SLC7A14: variants seen among roughly 807,000 people sequenced by gnomAD.
SLC7A14 encodes the protein solute carrier family 7 member 14, also known as gamma-aminobutyric acid transporter SLC7A14.
SLC7A14 carries 37 observed loss-of-function variants against 60.2 expected under a neutral mutation model. That is an observed-to-expected ratio of 0.61 (90% CI 0.47 to 0.81). The LOEUF (loss-of-function observed/expected upper bound fraction) is 0.81, where lower values mean the gene tolerates loss of function less well. Among genes scored for constraint, SLC7A14 ranks in the 30% least tolerant of loss-of-function variants. The pLI is 0.00. For synonymous variants in SLC7A14, 399 were observed against 395.8 expected (o/e 1.01, Z -0.10); for missense variants, 886 against 982.7 (o/e 0.90, Z 1.32).
chr3:170,522,007 T>C (rs1328168376), intron 2 of SLC7A14, among the ~76,000 whole-genome samples: 2 of 152,048 alleles, frequency 1.3e-5, no homozygotes, highest in African/African-American at 4.8e-5. Flanking sequence ...AATAAACTCA[T>C]AGAAAGATGT....
intron 1 of SLC7A14, among the ~76,000 whole-genome samples, chr3:170,582,535 G>T (rs1036620704): frequency 1.3e-5 from 2 of 152,156 alleles, no homozygotes; most frequent in Non-Finnish European, 2.9e-5. Flanking sequence ...GGTTCACAGG[G>T]CCCAGAGCAC....
At chr3:170,498,327 GTA>G (rs1188410746) in intron 4 of SLC7A14, among the ~76,000 whole-genome samples, 1 of 152,160 alleles carries the variant, frequency 6.6e-6, no homozygotes, top group Non-Finnish European at 1.5e-5. Flanking sequence ...AGAGCAGAAT[GTA>G]AATATCTTCC....
At chr3:170,561,480 A>G (rs773705494) in intron 1 of SLC7A14, among the ~76,000 whole-genome samples, 5 of 152,238 alleles carry the variant, frequency 3.3e-5, no homozygotes, top group African/African-American at 1.2e-4. Flanking sequence ...GTTGTGGACA[A>G]ATTGTGTGTC....
chr3:170,576,424 A>G (rs1715092631), intron 1 of SLC7A14, among the ~76,000 whole-genome samples: 1 of 152,230 alleles, frequency 6.6e-6, no homozygotes, highest in South Asian at 2.1e-4. Flanking sequence ...TTATAGGCAT[A>G]TTAACCTGCT....
Position 170,467,108 on chromosome 3 carries a change from G to A in SLC7A14, c.2263C>T (p.Gln755Ter). ...SKAKSKSKHK[Q>*]NSEALIANDE... Reference sequence around the variant, plus strand: ...TTTGCAATCAGGGCCTCTGAGTTCTGTTTGTGTTTGCTTTTGCTCTTCGCT... The same window carrying A: ...TTTGCAATCAGGGCCTCTGAGTTCTATTTGTGTTTGCTTTTGCTCTTCGCT... Residue 755 changes from glutamine (Q) to a stop codon, truncating the protein, a stop_gained, in exon 8 of 8, where the codon CAG (glutamine) becomes TAG (stop). Transcript: ENST00000231706. LOFTEE classifies it high-confidence loss of function. The A allele has an allele frequency of 6.2e-7, 1 of 1,614,132 alleles. No homozygotes were observed. Among genetic ancestry groups the A allele is most frequent in the East Asian group, 2.2e-5 (1 of 44,878 alleles).
chr3:170,508,576 C>G (rs904594413), intron 2 of SLC7A14, among the ~76,000 whole-genome samples: 3 of 152,224 alleles, frequency 2.0e-5, no homozygotes, highest in Non-Finnish European at 2.9e-5. Flanking sequence ...CTCCCAGACA[C>G]AGGATGGAAT....
At chr3:170,493,670 G>A (rs1369360031) in intron 4 of SLC7A14, among the ~76,000 whole-genome samples, 4 of 152,180 alleles carry the variant, frequency 2.6e-5, no homozygotes, top group Non-Finnish European at 5.9e-5. Flanking sequence ...TGTATGACAT[G>A]CTCATGAGGC....
intron 1 of SLC7A14, among the ~76,000 whole-genome samples, chr3:170,556,157 A>G (rs1216316135): frequency 2.0e-5 from 3 of 152,200 alleles, no homozygotes; most frequent in Admixed American, 6.5e-5. Context: ...GTTGAATTAT[A>G]TCATCTTTTT....
intron 1 of SLC7A14, among the ~76,000 whole-genome samples, chr3:170,545,698 C>A (rs1263832269): frequency 6.6e-6 from 1 of 152,206 alleles, no homozygotes; most frequent in African/African-American, 2.4e-5. Context: ...GTTATAGCCA[C>A]CTCAATCTTT....
chr3:170,578,324 T>C (rs7631702), intron 1 of SLC7A14, among the ~76,000 whole-genome samples: 45 of 152,312 alleles, frequency 3.0e-4, no homozygotes, highest in African/African-American at 1.1e-3. Flanking sequence ...AGAAAGACAA[T>C]GTAGATTCCC....
At chr3:170,472,683 C>A (rs935900942) in intron 7 of SLC7A14, among the ~76,000 whole-genome samples, 1 of 150,952 alleles carries the variant, frequency 6.6e-6, no homozygotes, top group Non-Finnish European at 1.5e-5. Context: ...AGGAGAATGG[C>A]GTGAACCTGG....
intron 1 of SLC7A14, among the ~76,000 whole-genome samples, chr3:170,554,766 T>A (rs1045496167): frequency 6.6e-6 from 1 of 152,234 alleles, no homozygotes; most frequent in Admixed American, 6.5e-5. Flanking sequence ...GAAGTTTATA[T>A]CCTTAGGTTA....
chr3:170,545,598 T>C (rs1714154708), intron 1 of SLC7A14, among the ~76,000 whole-genome samples: 1 of 152,148 alleles, frequency 6.6e-6, no homozygotes, highest in African/African-American at 2.4e-5. Context: ...CTTCCTATTA[T>C]TTTTCCCTCC....
At chr3:170,489,655 A>G (rs1712152264) in intron 4 of SLC7A14, among the ~76,000 whole-genome samples, 1 of 152,260 alleles carries the variant, frequency 6.6e-6, no homozygotes, top group Non-Finnish European at 1.5e-5. Flanking sequence ...TTGTTGCAAC[A>G]CTGTTTACAA....
chr3:170,574,667 T>C (rs533657244), intron 1 of SLC7A14, among the ~76,000 whole-genome samples: 2 of 152,332 alleles, frequency 1.3e-5, no homozygotes, highest in African/African-American at 2.4e-5. Context: ...GCATGAAGGA[T>C]AACAAGTTGT....
At position 170,466,936 on chromosome 3, in the gene SLC7A14, T is replaced by C. The variant is rs1452536426; in HGVS notation, c.*119A>G. ...GCAAATGACAGGCTATGACTAGGGA[T>C]TGAATTTGGGGAAGGCTGGATTTGT... On this transcript the variant is annotated 3_prime_UTR_variant, in exon 8 of 8. Transcript: ENST00000231706. 2 of 847,964 alleles carry C rather than the reference T, an allele frequency of 2.4e-6. No individual in the cohort carries two copies. Among genetic ancestry groups the C allele is most frequent in the Non-Finnish European group, 3.7e-6 (2 of 540,278 alleles). The allele number at this position is 847,964 out of a possible 1,614,324, so 52.5% of individuals were successfully genotyped here.
chr3:170,522,839 T>C (rs2108291765), intron 2 of SLC7A14, among the ~76,000 whole-genome samples: 1 of 152,364 alleles, frequency 6.6e-6, no homozygotes, highest in South Asian at 2.1e-4. Flanking sequence ...TTTTTCATTA[T>C]TACAGAAAAA....
chr3:170,565,507 T>C, intron 1 of SLC7A14, among the ~76,000 whole-genome samples: 1 of 152,222 alleles, frequency 6.6e-6, no homozygotes, highest in Non-Finnish European at 1.5e-5. Flanking sequence ...ATTGTCTCCC[T>C]CTTTGATACT....
intron 1 of SLC7A14, among the ~76,000 whole-genome samples, chr3:170,578,574 C>G (rs1202664505): frequency 6.6e-6 from 1 of 152,158 alleles, no homozygotes; most frequent in Non-Finnish European, 1.5e-5. Flanking sequence ...GGTTTCTCAT[C>G]TGTAAAATGG....
Sources: gnomAD v4.1 joint callset for allele counts (sites outside exome capture counted in the v4.1 genomes callset) on GRCh38, gnomAD v4.1.1 for gene constraint, MANE v1.5 for transcripts, NCBI Gene and HGNC (gene_info 2026-07-23, HGNC 2026-07-21) for gene names.